THSD7B: variants seen among roughly 807,000 people sequenced by gnomAD.
The protein encoded by THSD7B is thrombospondin type 1 domain containing 7B, also known as thrombospondin type-1 domain-containing protein 7B.
THSD7B carries 138 observed loss-of-function variants against 213.6 expected under a neutral mutation model. That is an observed-to-expected ratio of 0.65 (90% CI 0.56 to 0.74). The LOEUF is 0.74. THSD7B is among the 30% of genes least tolerant of loss of function. The pLI, the probability that THSD7B is intolerant of heterozygous loss-of-function variation, is 0.00. For synonymous variants in THSD7B, 742 were observed against 687.0 expected (o/e 1.08, Z -1.25); for missense variants, 1,931 against 1,991.5 (o/e 0.97, Z 0.58).
At chr2:137,285,768 T>C (rs1319293620) in intron 12 of THSD7B, among the ~76,000 whole-genome samples, 1 of 152,122 alleles carries the variant, frequency 6.6e-6, no homozygotes, top group Non-Finnish European at 1.5e-5. Flanking sequence ...TTTCATAATC[T>C]AGTCTTTCAC....
intron 6 of THSD7B, among the ~76,000 whole-genome samples, chr2:137,167,808 A>G (rs34974334): frequency 0.062 from 9,408 of 152,260 alleles, 300 homozygotes; most frequent in Admixed American, 0.081. Context: ...GCTGTGCAGC[A>G]TCTAAAATTC....
Position 137,639,488 on chromosome 2 carries a change from A to G in THSD7B, c.3800-3000A>G, listed in dbSNP as rs529928868. 2.3e-3 allele frequency among the ~76,000 whole-genome samples: 351 copies of G among 152,308 alleles called. 4 individuals carry two copies. The highest frequency in any genetic ancestry group is 1.7e-3 in the Non-Finnish European group (116 of 68,022). ...AAATATGGGGTCGGAGCCCCCACAC[A>G]GAGTCCCTAGTGGGGTGCTGCCTAG... On this transcript the variant is annotated intron_variant, in intron 20 of 27. Coordinates refer to ENST00000409968, the MANE Select transcript of THSD7B (RefSeq NM_001316349.2).
chr2:136,847,922 T>C (rs1683036992), intron 1 of THSD7B, among the ~76,000 whole-genome samples: 2 of 152,198 alleles, frequency 1.3e-5, no homozygotes. Context: ...TCCCTTCTTA[T>C]GAGAAAACAT....
At chr2:137,404,734 T>A (rs755877663) in intron 12 of THSD7B, among the ~76,000 whole-genome samples, 56 of 151,912 alleles carry the variant, frequency 3.7e-4, no homozygotes, top group Non-Finnish European at 5.0e-4. Flanking sequence ...AGGCCATTAT[T>A]CTGAGTGAAG....
chr2:137,121,100 T>A (rs1251241441), intron 5 of THSD7B, among the ~76,000 whole-genome samples: 2 of 152,158 alleles, frequency 1.3e-5, no homozygotes, highest in African/African-American at 4.8e-5. Context: ...CTTATCTTAG[T>A]GTGATATAGG....
intron 4 of THSD7B, among the ~76,000 whole-genome samples, chr2:137,112,761 A>C (rs868187680): frequency 2.3e-5 from 3 of 130,742 alleles, no homozygotes; most frequent in South Asian, 5.1e-4. Context: ...CATAAATAAA[A>C]TGTTAATGTA....
At chr2:137,031,087 T>C (rs1325495342) in intron 2 of THSD7B, among the ~76,000 whole-genome samples, 1 of 152,212 alleles carries the variant, frequency 6.6e-6, no homozygotes, top group African/African-American at 2.4e-5. Flanking sequence ...CTCATGCCTA[T>C]AATCCCAGAA....
chr2:136,834,089 A>G (rs1485974170), intron 1 of THSD7B, among the ~76,000 whole-genome samples: 24 of 152,226 alleles, frequency 1.6e-4, no homozygotes, highest in Admixed American at 1.6e-3. Context: ...TCATGTCAAA[A>G]TATTGAAATA....
intron 15 of THSD7B, among the ~76,000 whole-genome samples, chr2:137,463,564 A>G (rs1179554561): frequency 1.3e-5 from 2 of 151,978 alleles, no homozygotes; most frequent in Non-Finnish European, 2.9e-5. Flanking sequence ...TCCAAAGACC[A>G]CCAGGATGGC....
At chr2:137,319,678 C>G (rs1436787587) in intron 12 of THSD7B, among the ~76,000 whole-genome samples, 2 of 152,202 alleles carry the variant, frequency 1.3e-5, no homozygotes, top group African/African-American at 2.4e-5. Context: ...TTTTTCATAT[C>G]AGACACTGTG....
At chr2:136,885,228 G>A (rs1250669467) in intron 2 of THSD7B, among the ~76,000 whole-genome samples, 1 of 152,068 alleles carries the variant, frequency 6.6e-6, no homozygotes, top group South Asian at 2.1e-4. Context: ...TTACTCTTTT[G>A]CTGGTGTCTA....
intron 1 of THSD7B, among the ~76,000 whole-genome samples, chr2:136,867,440 C>A (rs1057389213): frequency 6.6e-6 from 1 of 152,142 alleles, no homozygotes; most frequent in Non-Finnish European, 1.5e-5. Flanking sequence ...CTTTAATGGA[C>A]CTTCCCCTTT....
At position 137,655,627 on chromosome 2, in the gene THSD7B, A is replaced by G. The variant is rs770334613; in HGVS notation, c.4072A>G (p.Ile1358Val). The G allele has an allele frequency of 2.5e-6, 4 of 1,613,178 alleles. No individual in the cohort carries two copies. Among genetic ancestry groups the G allele is most frequent in the Non-Finnish European group, 3.4e-6 (4 of 1,179,660 alleles). Residue 1358 changes from isoleucine (I) to valine (V), a missense_variant, in exon 22 of 28, where the codon ATC (isoleucine) becomes GTC (valine). By Grantham distance (29) the Ile-to-Val change is conservative. Coordinates refer to ENST00000409968, the MANE Select transcript of THSD7B (RefSeq NM_001316349.2). ...LCGEMPFQDS[I>V]LKQLCSVPCP... ...TGGAGAAATGCCCTTTCAGGACAGC[A>G]TCCTGAAGCAGCTGTGTTCTGTGCC... is the stretch of plus-strand genomic sequence containing the variant.
chr2:137,286,637 G>A lies in THSD7B; in HGVS notation c.2500+10611G>A, dbSNP rs1230332663. Reference sequence around the variant, plus strand: ...GAAAGCAAAGCACATATATAGGTTTGAACTATGACTGAACAATAGCAAAAA... The same window carrying A: ...GAAAGCAAAGCACATATATAGGTTTAAACTATGACTGAACAATAGCAAAAA... On this transcript the variant is annotated intron_variant, in intron 12 of 27. Coordinates refer to ENST00000409968, the MANE Select transcript of THSD7B (RefSeq NM_001316349.2). 4.0e-5 allele frequency among the ~76,000 whole-genome samples: 6 copies of A among 151,858 alleles called. 1 individual carries two copies. The East Asian group carries it at 1.2e-3, about 31-fold the overall frequency.
At chr2:137,538,546 A>G (rs936835069) in intron 15 of THSD7B, 2 of 507,026 alleles carry the variant, frequency 3.9e-6, no homozygotes, top group Non-Finnish European at 7.8e-6. Context: ...AGTGAAAAGA[A>G]GCTTTGATGT....
rs532335765 is a variant in THSD7B, at chr2:137,391,937, T to C, written c.2501-13676T>C. On this transcript the variant is annotated intron_variant, in intron 12 of 27. Transcript: ENST00000409968. ...GCTGTACCCAACAAGTTTTGGTATG[T>C]TGTGCTTCCATTTTTATTTGTTTCA... is the stretch of plus-strand genomic sequence containing the variant. Among the ~76,000 whole-genome samples, 4 of 152,318 alleles carry C rather than the reference T, an allele frequency of 2.6e-5. No homozygotes were observed. The South Asian group carries it at 8.3e-4, about 32-fold the overall frequency.
chr2:136,892,882 C>A (rs1683888233), intron 2 of THSD7B, among the ~76,000 whole-genome samples: 1 of 152,148 alleles, frequency 6.6e-6, no homozygotes, highest in African/African-American at 2.4e-5. Context: ...TATTCAGCTT[C>A]TTTTACATTG....
chr2:136,894,941 C>T (rs965017276), intron 2 of THSD7B, among the ~76,000 whole-genome samples: 3 of 152,148 alleles, frequency 2.0e-5, no homozygotes, highest in African/African-American at 7.2e-5. Context: ...AGCAAGAGCT[C>T]TGGGATTCTA....
chr2:137,222,245 TG>T (rs1681387438), intron 7 of THSD7B, among the ~76,000 whole-genome samples: 1 of 152,094 alleles, frequency 6.6e-6, no homozygotes, highest in African/African-American at 2.4e-5. Flanking sequence ...TCCTCACTTA[TG>T]GCAGGTATCT....
Sources: allele counts gnomAD v4.1 joint callset (sites outside exome capture counted in the v4.1 genomes callset), GRCh38; gene constraint gnomAD v4.1.1; transcripts MANE v1.5; gene names NCBI Gene and HGNC (gene_info 2026-07-23, HGNC 2026-07-21).